ATXN7L1: variants seen among roughly 807,000 people sequenced by gnomAD.
The protein encoded by ATXN7L1 is ataxin-7-like protein 1.
ATXN7L1 carries 15 observed loss-of-function variants against 70.8 expected under a neutral mutation model. That is an observed-to-expected ratio of 0.21 (90% CI 0.14 to 0.33). The LOEUF is 0.33. Among genes scored for constraint, ATXN7L1 ranks in the 10% least tolerant of loss-of-function variants. ATXN7L1 has a pLI of 1.00. For synonymous variants in ATXN7L1, 440 were observed against 445.1 expected (o/e 0.99, Z 0.14); for missense variants, 975 against 1,097.1 (o/e 0.89, Z 1.57).
rs139794812 is a variant in ATXN7L1 at position 105,725,941 on chromosome 7, C to T, written c.356-60653G>A. The stretch of plus-strand genomic sequence containing the variant: ...TTTTTGAGACAGAGTCTTGCTCCGT[C>T]GTCCAGGATGGAGTGCAATGGCATG... On this transcript the variant is annotated intron_variant, in intron 3 of 11. Transcript: ENST00000419735. 5.5e-4 allele frequency among the ~76,000 whole-genome samples: 82 copies of T among 147,922 alleles called. 2 individuals carry two copies. In the East Asian group the frequency reaches 8.3e-3, roughly 15 times the overall value.
chr7:105,828,344 C>G (rs1178089976), intron 2 of ATXN7L1, among the ~76,000 whole-genome samples: 2 of 152,148 alleles, frequency 1.3e-5, no homozygotes, highest in Non-Finnish European at 2.9e-5. Flanking sequence ...TGCTTCCCAT[C>G]CCTGAAGGAC....
chr7:105,873,279 A>G (rs1227696745), intron 2 of ATXN7L1, among the ~76,000 whole-genome samples: 3 of 152,214 alleles, frequency 2.0e-5, no homozygotes, highest in Non-Finnish European at 4.4e-5. Flanking sequence ...TTAAAGCCGA[A>G]TTTCTTCTCA....
rs183584164 is a variant in ATXN7L1 at position 105,620,724 on chromosome 7, G to A, written c.1396-403C>T. 3.6e-4 allele frequency among the ~76,000 whole-genome samples: 54 copies of A among 151,994 alleles called. No individual in the cohort carries two copies. In the East Asian group the frequency reaches 9.1e-3, roughly 26 times the overall value. On this transcript the variant is annotated intron_variant, in intron 8 of 11. Coordinates refer to ENST00000419735, the MANE Select transcript of ATXN7L1 (RefSeq NM_020725.2). ...AGTCTGGCCAACATGGTGAAGCCCC[G>A]TTTCTACTAAAAATACAAAAATTAG...
chr7:105,859,819 G>C (rs1816304075), intron 2 of ATXN7L1, among the ~76,000 whole-genome samples: 1 of 125,432 alleles, frequency 8.0e-6, no homozygotes, highest in Middle Eastern at 6.3e-3. Context: ...GTCTCGCTCT[G>C]TTGGCCAGGC....
At chr7:105,667,982 A>G (rs973333201) in intron 3 of ATXN7L1, among the ~76,000 whole-genome samples, 2 of 152,144 alleles carry the variant, frequency 1.3e-5, no homozygotes, top group African/African-American at 2.4e-5. Context: ...ACTTACTCAA[A>G]GCTGGTGGTG....
At chr7:105,720,766 G>A (rs1795097318) in intron 3 of ATXN7L1, among the ~76,000 whole-genome samples, 1 of 152,086 alleles carries the variant, frequency 6.6e-6, no homozygotes, top group Non-Finnish European at 1.5e-5. Flanking sequence ...CACTGTGCCT[G>A]GCTCCTTCTC....
rs191845622 is a variant in ATXN7L1, at chr7:105,776,334, A to G, written c.355+12270T>C. Among the ~76,000 whole-genome samples, 452 of 152,270 alleles carry G rather than the reference A, an allele frequency of 3.0e-3. 3 individuals carry two copies. The highest frequency in any genetic ancestry group is 0.01 in the African/African-American group (426 of 41,562). ...CAACTGCGTCTCAACAGAGTTGGTC[A>G]TTCTCTTTCAAGCAGCCATGTCTTC... On this transcript the variant is annotated intron_variant, in intron 3 of 11. Coordinates refer to ENST00000419735, the MANE Select transcript of ATXN7L1 (RefSeq NM_020725.2).
intron 7 of ATXN7L1, among the ~76,000 whole-genome samples, chr7:105,637,423 TCTCA>T (rs1011856382): frequency 1.3e-5 from 2 of 152,226 alleles, no homozygotes; most frequent in African/African-American, 4.8e-5. Flanking sequence ...TATCTGCACT[TCTCA>T]CTGAGTATTA....
chr7:105,789,534 A>G (rs1355001046), intron 2 of ATXN7L1, among the ~76,000 whole-genome samples: 1 of 152,142 alleles, frequency 6.6e-6, no homozygotes, highest in Non-Finnish European at 1.5e-5. Context: ...AGGTCATCTG[A>G]GACTCCAGGA....
intron 2 of ATXN7L1, among the ~76,000 whole-genome samples, chr7:105,855,418 C>T (rs1815581568): frequency 6.6e-6 from 1 of 152,204 alleles, no homozygotes; most frequent in Admixed American, 6.5e-5. Context: ...AAGTCATTTA[C>T]CATCTAATGT....
intron 2 of ATXN7L1, among the ~76,000 whole-genome samples, chr7:105,850,099 A>C (rs1814653428): frequency 6.6e-6 from 1 of 152,268 alleles, no homozygotes; most frequent in Non-Finnish European, 1.5e-5. Flanking sequence ...TACATAAAAT[A>C]ACAATGTATT....
At chr7:105,711,864 A>C (rs990906058) in intron 3 of ATXN7L1, among the ~76,000 whole-genome samples, 2 of 152,220 alleles carry the variant, frequency 1.3e-5, no homozygotes, top group Non-Finnish European at 2.9e-5. Context: ...CCAACCCCAC[A>C]TTTCACCTCT....
intron 2 of ATXN7L1, among the ~76,000 whole-genome samples, chr7:105,837,082 G>A (rs1045471922): frequency 6.6e-6 from 1 of 152,100 alleles, no homozygotes; most frequent in Admixed American, 6.6e-5. Context: ...GTGAGTGGGT[G>A]GGGGGAGGTG....
At chr7:105,688,524 C>T (rs1214090704) in intron 3 of ATXN7L1, among the ~76,000 whole-genome samples, 1 of 151,164 alleles carries the variant, frequency 6.6e-6, no homozygotes, top group Non-Finnish European at 1.5e-5. Flanking sequence ...GCCTGGGCAA[C>T]ACAGAGCAAG....
chr7:105,794,477 G>A (rs1345352656), intron 2 of ATXN7L1, among the ~76,000 whole-genome samples: 1 of 152,210 alleles, frequency 6.6e-6, no homozygotes, highest in Non-Finnish European at 1.5e-5. Flanking sequence ...GCAGAGAGCT[G>A]GTTGTTAAAA....
chr7:105,705,317 T>A (rs916651408), intron 3 of ATXN7L1, among the ~76,000 whole-genome samples: 2 of 148,594 alleles, frequency 1.3e-5, no homozygotes, highest in African/African-American at 5.1e-5. Context: ...TGAGCCACCA[T>A]GCCCGGCCGA....
chr7:105,677,868 G>A, intron 3 of ATXN7L1: 1 of 889,586 alleles, frequency 1.1e-6, no homozygotes. Context: ...CAACAGCACA[G>A]GGCCATGGTC....
At chr7:105,633,053 G>A (rs1431247133) in intron 7 of ATXN7L1, among the ~76,000 whole-genome samples, 1 of 150,914 alleles carries the variant, frequency 6.6e-6, no homozygotes, top group Non-Finnish European at 1.5e-5. Flanking sequence ...TAAACTTCTT[G>A]ATAAAATTTT....
Position 105,686,212 on chromosome 7 carries a change from G to A in ATXN7L1, c.356-20924C>T, listed in dbSNP as rs144036241. 5.0e-3 allele frequency among the ~76,000 whole-genome samples: 767 copies of A among 152,094 alleles called. 1 individual carries two copies. Among genetic ancestry groups the A allele is most frequent in the Non-Finnish European group, 8.3e-3 (567 of 67,992 alleles). On this transcript the variant is annotated intron_variant, in intron 3 of 11. Transcript: ENST00000419735. Reference sequence around the variant, plus strand: ...AAACCCATCATAAATTGAAAATATCGTAAGTCAAAAATGCATTTAAGGGCC... The same window carrying A: ...AAACCCATCATAAATTGAAAATATCATAAGTCAAAAATGCATTTAAGGGCC...
Sources: gnomAD v4.1 joint callset for allele counts (sites outside exome capture counted in the v4.1 genomes callset) on GRCh38, gnomAD v4.1.1 for gene constraint, MANE v1.5 for transcripts, NCBI Gene and HGNC (gene_info 2026-07-23, HGNC 2026-07-21) for gene names.